The following ADAMTSL1 variants were observed in gnomAD, a reference collection of about 807,000 sequenced individuals.
ADAMTSL1 encodes ADAMTS-like protein 1.
Under a neutral mutation model 201.8 loss-of-function variants are expected in ADAMTSL1, and 126 were observed. That is an observed-to-expected ratio of 0.62 (90% CI 0.54 to 0.72). The LOEUF is 0.72. Ranked by LOEUF, ADAMTSL1 falls within the 30% of genes least tolerant of loss-of-function variation. The pLI is 0.00. For synonymous variants in ADAMTSL1, 1,121 were observed against 903.4 expected (o/e 1.24, Z -4.32); for missense variants, 2,679 against 2,277.8 (o/e 1.18, Z -3.59).
At chr9:18,854,075 G>A (rs192898678) in intron 23 of ADAMTSL1, among the ~76,000 whole-genome samples, 1 of 152,144 alleles carries the variant, frequency 6.6e-6, no homozygotes, top group South Asian at 2.1e-4. Context: ...TGGGAAAGTG[G>A]AGTTCAGCTA....
chr9:18,697,464 T>G (rs1330931061), intron 13 of ADAMTSL1, among the ~76,000 whole-genome samples: 1 of 152,150 alleles, frequency 6.6e-6, no homozygotes, highest in African/African-American at 2.4e-5. Context: ...GGAAATTTGC[T>G]AGAAAATGCC....
At chr9:18,569,087 A>G (rs902008159) in intron 3 of ADAMTSL1, among the ~76,000 whole-genome samples, 8 of 152,164 alleles carry the variant, frequency 5.3e-5, no homozygotes, top group African/African-American at 1.7e-4. Context: ...AATCTTGTAC[A>G]TTTCACCCGG....
intron 2 of ADAMTSL1, among the ~76,000 whole-genome samples, chr9:18,441,773 G>A (rs1423212512): frequency 3.9e-5 from 6 of 152,152 alleles, no homozygotes; most frequent in African/African-American, 1.4e-4. Flanking sequence ...CTCAGCCTGG[G>A]AGGGATAACA....
intron 1 of ADAMTSL1, among the ~76,000 whole-genome samples, chr9:18,504,304 A>T (rs572578821): frequency 3.5e-4 from 53 of 152,334 alleles, no homozygotes; most frequent in African/African-American, 1.3e-3. Context: ...CAATCCGTGC[A>T]TTGCTAAAGT....
At chr9:18,034,938 G>A (rs998036170) in intron 1 of ADAMTSL1, among the ~76,000 whole-genome samples, 7 of 152,042 alleles carry the variant, frequency 4.6e-5, no homozygotes, top group African/African-American at 9.7e-5. Context: ...GATTGTTCTA[G>A]TCTTCACTTT....
intron 1 of ADAMTSL1, among the ~76,000 whole-genome samples, chr9:18,160,394 A>G (rs576861240): frequency 6.6e-5 from 10 of 152,090 alleles, no homozygotes; most frequent in African/African-American, 2.4e-4. Context: ...AGTTTTTAAG[A>G]GATACTCTCT....
chr9:18,876,910 C>T (rs905630693), intron 23 of ADAMTSL1, among the ~76,000 whole-genome samples: 5 of 152,196 alleles, frequency 3.3e-5, no homozygotes, highest in African/African-American at 1.2e-4. Context: ...GATCTTTTAA[C>T]ATAATGCCAA....
Position 17,937,973 on chromosome 9 carries a change from C to G in ADAMTSL1, c.87+31051C>G, listed in dbSNP as rs115848850. Among the ~76,000 whole-genome samples, 746 of 152,278 alleles carry G rather than the reference C, an allele frequency of 4.9e-3. 5 individuals are homozygous for G. Among genetic ancestry groups the G allele is most frequent in the African/African-American group, 0.017 (712 of 41,580 alleles). Reference sequence around the variant, plus strand: ...AAGGTGATGTGGACACCCAATAACTCTTCTCCAGTGATATCCTGATGAGTT... The same window carrying G: ...AAGGTGATGTGGACACCCAATAACTGTTCTCCAGTGATATCCTGATGAGTT... On this transcript the variant is annotated intron_variant, in intron 1 of 29. Transcript: ENST00000680146.
rs116403681 is a variant in ADAMTSL1, at chr9:18,280,416, A to G, written c.207+116435A>G. Among the ~76,000 whole-genome samples the G allele has an allele frequency of 4.7e-3, 708 of 152,182 alleles. 7 individuals are homozygous for G. Among genetic ancestry groups the G allele is most frequent in the African/African-American group, 0.016 (672 of 41,522 alleles). The stretch of plus-strand genomic sequence containing the variant: ...CTTGTTTATCTCTCAAAAAAAAAAA[A>G]AAAGCAACTTTCTTTTTAATCCTAC... On this transcript the variant is annotated intron_variant, in intron 2 of 29. Transcript: ENST00000680146.
intron 2 of ADAMTSL1, among the ~76,000 whole-genome samples, chr9:18,401,587 A>T (rs1329718): frequency 6.6e-6 from 1 of 151,996 alleles, no homozygotes; most frequent in African/African-American, 2.4e-5. Flanking sequence ...GAGTTAAGGA[A>T]CTAGGACCAC....
At chr9:18,382,268 G>A (rs532264845) in intron 2 of ADAMTSL1, among the ~76,000 whole-genome samples, 1 of 152,286 alleles carries the variant, frequency 6.6e-6, no homozygotes, top group African/African-American at 2.4e-5. Flanking sequence ...TAGGATGTCA[G>A]TGAAGACTAC....
At chr9:18,712,756 A>G (rs1832692112) in intron 14 of ADAMTSL1, among the ~76,000 whole-genome samples, 1 of 152,036 alleles carries the variant, frequency 6.6e-6, no homozygotes, top group African/African-American at 2.4e-5. Flanking sequence ...GAACGCCACA[A>G]AGATACTCCT....
rs899262879 is a variant in ADAMTSL1 at position 17,968,612 on chromosome 9, A to G, written c.87+61690A>G. 7.2e-5 allele frequency among the ~76,000 whole-genome samples: 11 copies of G among 152,248 alleles called. No homozygotes were observed. The East Asian group carries it at 1.4e-3, about 19-fold the overall frequency. ...TGTAGTTAGGAGGATGTTCTCCCAC[A>G]CAAACAATGTGGTATCCTCGTTGAT... is the stretch of plus-strand genomic sequence containing the variant. On this transcript the variant is annotated intron_variant, in intron 1 of 29. Coordinates refer to the ADAMTSL1 transcript ENST00000680146.
rs1484794060 is a variant in ADAMTSL1 at position 18,795,377 on chromosome 9, T to C, written c.3678-20T>C. On this transcript the variant is annotated intron_variant, in intron 19 of 28. Transcript: ENST00000380548. ...GTCAACTGACTTGACCAGGTCTATA[T>C]TTCTTTTCTGTCGCTCCAGGATTCT... 4 of 1,613,402 alleles carry C rather than the reference T, an allele frequency of 2.5e-6. No individual in the cohort carries two copies. In the East Asian group the frequency reaches 6.7e-5, roughly 27 times the overall value.
intron 14 of ADAMTSL1, chr9:18,718,542 G>A (rs1451131979): frequency 5.9e-6 from 3 of 508,930 alleles, no homozygotes; most frequent in South Asian, 3.1e-5. Flanking sequence ...CAAACTTGTC[G>A]AAACCTAGTA....
chr9:18,485,640 A>G (rs564556855), intron 1 of ADAMTSL1, among the ~76,000 whole-genome samples: 2 of 152,332 alleles, frequency 1.3e-5, no homozygotes, highest in African/African-American at 4.8e-5. Context: ...CATCAGGCAG[A>G]TAAGAGAGGG....
chr9:18,529,907 C>T (rs1819330925), intron 2 of ADAMTSL1, among the ~76,000 whole-genome samples: 1 of 152,126 alleles, frequency 6.6e-6, no homozygotes, highest in African/African-American at 2.4e-5. Flanking sequence ...AGTGGGTTTT[C>T]TTTGCTTTGC....
intron 2 of ADAMTSL1, among the ~76,000 whole-genome samples, chr9:18,377,466 G>C (rs886196925): frequency 6.6e-5 from 10 of 152,164 alleles, no homozygotes; most frequent in African/African-American, 2.4e-4. Flanking sequence ...TTCATTAAAT[G>C]CAATGCAGAC....
chr9:18,527,614 A>T (rs1819166278), intron 2 of ADAMTSL1, among the ~76,000 whole-genome samples: 1 of 152,176 alleles, frequency 6.6e-6, no homozygotes, highest in South Asian at 2.1e-4. Context: ...GACAGTTGAA[A>T]CTATAACATC....
Sources: gnomAD v4.1 joint callset for allele counts (sites outside exome capture counted in the v4.1 genomes callset) on GRCh38, gnomAD v4.1.1 for gene constraint, MANE v1.5 for transcripts, NCBI Gene and HGNC (gene_info 2026-07-23, HGNC 2026-07-21) for gene names.